The following ZNF567 variants were observed in gnomAD, a reference collection of about 807,000 sequenced individuals.
The protein encoded by ZNF567 is zinc finger protein 567.
ZNF567 carries 36 observed loss-of-function variants against 53.9 expected under a neutral mutation model. The observed-to-expected ratio is 0.67, with a 90% CI of 0.51 to 0.88. The LOEUF (loss-of-function observed/expected upper bound fraction) is 0.88, where lower values mean the gene tolerates loss of function less well. ZNF567 is among the 40% of genes least tolerant of loss of function. The probability of loss-of-function intolerance (pLI) is 0.00; values close to 1 mark genes in which losing one functional copy is unlikely to be tolerated. For missense variants in ZNF567, 619 were observed against 764.7 expected (o/e 0.81, Z 2.25); for synonymous variants, 224 against 260.4 (o/e 0.86, Z 1.35).
chr19:36,699,815 A>G (rs887912903), intron 3 of ZNF567, among the ~76,000 whole-genome samples: 2 of 149,834 alleles, frequency 1.3e-5, no homozygotes, highest in Non-Finnish European at 3.0e-5. Flanking sequence ...GCTTAAGGAG[A>G]TTTTGGGCTG....
At chr19:36,678,356 A>G in the ZNF567 span, among the ~76,000 whole-genome samples, 18 of 152,212 alleles carry the variant, frequency 1.2e-4, no homozygotes, top group Admixed American at 3.9e-4. Context: ...TTAGCCTTAT[A>G]GAGTTTCTAA....
intron 5 of ZNF567, among the ~76,000 whole-genome samples, chr19:36,716,559 C>G (rs2040074810): frequency 6.6e-6 from 1 of 152,130 alleles, no homozygotes; most frequent in South Asian, 2.1e-4. Flanking sequence ...TTGAAGGAAT[C>G]AAGCATTCTT....
chr19:36,707,614 G>C (rs983516512), intron 3 of ZNF567, among the ~76,000 whole-genome samples: 1 of 151,922 alleles, frequency 6.6e-6, no homozygotes, highest in Non-Finnish European at 1.5e-5. Flanking sequence ...TTTTACTCTT[G>C]TCGCTCAGGC....
At chr19:36,672,409 C>T in the ZNF567 span, among the ~76,000 whole-genome samples, 52 of 152,292 alleles carry the variant, frequency 3.4e-4, no homozygotes, top group Non-Finnish European at 6.2e-4. Flanking sequence ...GTAACCTTAG[C>T]AGAGGATGTT....
At chr19:36,717,850 G>A (rs1201094022) in intron 5 of ZNF567, among the ~76,000 whole-genome samples, 4 of 152,124 alleles carry the variant, frequency 2.6e-5, no homozygotes, top group African/African-American at 9.7e-5. Context: ...TTACTGCATT[G>A]GGGAAGGATG....
chr19:36,708,644 T>C (rs752719595), intron 3 of ZNF567, among the ~76,000 whole-genome samples: 4 of 152,206 alleles, frequency 2.6e-5, no homozygotes, highest in Non-Finnish European at 5.9e-5. Flanking sequence ...CCCTCCCTGC[T>C]ACCCCCTGGA....
chr19:36,719,944 A>G lies in ZNF567; in HGVS notation c.1220A>G (p.Asn407Ser). 6.2e-7 allele frequency: 1 copy of G among 1,613,712 alleles called. No homozygotes were observed. The highest frequency in any genetic ancestry group is 8.5e-7 in the Non-Finnish European group (1 of 1,179,898). ...ECGKSFHQKA[N>S]LTVHQRTHTG... is the part of the protein sequence containing the mutation. ...GGGAAGTCCTTTCACCAGAAGGCAA[A>G]TCTTACTGTACATCAGAGAACTCAT... Residue 407 changes from asparagine to serine, a missense_variant, in exon 6 of 6, where the codon AAT (asparagine) becomes AGT (serine). Transcript: ENST00000682579.
rs377581229 is a variant in ZNF567, at chr19:36,712,392, G to C, written c.16G>C (p.Val6Leu). The change falls in exon 4 of 6, where the codon GTG becomes CTG. Residue 6 changes from valine to leucine, a missense_variant. Physicochemically the swap from Val to Leu is conservative, Grantham distance 32. Coordinates refer to ENST00000682579, the MANE Select transcript of ZNF567 (RefSeq NM_001322917.1). ...ACAGTTCCATCCATTCTAGGGATCA[G>C]TGTCTTTCAATGATGTGACTGTGGA... MAQGSVSFNDVTVDFT... is the reference protein window; with the variant it reads MAQGSLSFNDVTVDFT... 111 of 1,613,706 alleles carry C rather than the reference G, an allele frequency of 6.9e-5. No individual in the cohort carries two copies. In the African/African-American group the frequency reaches 9.3e-4, roughly 14 times the overall value.
At chr19:36,704,726 G>A (rs2039403176) in intron 3 of ZNF567, among the ~76,000 whole-genome samples, 1 of 151,916 alleles carries the variant, frequency 6.6e-6, no homozygotes, top group Admixed American at 6.6e-5. Context: ...AAATGAATTG[G>A]GTTGTATTCT....
At chr19:36,697,158 A>G (rs1416336689) in intron 3 of ZNF567, among the ~76,000 whole-genome samples, 2 of 152,158 alleles carry the variant, frequency 1.3e-5, no homozygotes. Flanking sequence ...TTTTATTTAG[A>G]TCTTCCTTAA....
At chr19:36,668,157 C>T in the ZNF567 span, 1 of 152,440 alleles carries the variant, frequency 6.6e-6, no homozygotes, top group African/African-American at 2.4e-5. Flanking sequence ...GTTGCCCAGG[C>T]TGGTGGTCTC....
chr19:36,697,767 A>C (rs945005302), intron 3 of ZNF567, among the ~76,000 whole-genome samples: 3 of 151,978 alleles, frequency 2.0e-5, no homozygotes, highest in Non-Finnish European at 4.4e-5. Flanking sequence ...ATGCACCACC[A>C]TGCTGGCCTA....
upstream of ZNF567, among the ~76,000 whole-genome samples, chr19:36,682,713 T>G (rs1215092625): frequency 2.0e-5 from 3 of 151,396 alleles, no homozygotes; most frequent in Non-Finnish European, 4.4e-5. Context: ...GTTCACGCCA[T>G]TCTCCTCCCT....
At chr19:36,684,447 A>G (rs763587942), upstream of ZNF567, among the ~76,000 whole-genome samples, 5 of 152,186 alleles carry the variant, frequency 3.3e-5, no homozygotes, top group East Asian at 1.9e-4. Flanking sequence ...ATGGAATGCA[A>G]TGTTGAAATG....
the ZNF567 span, among the ~76,000 whole-genome samples, chr19:36,678,993 G>T: frequency 5.3e-5 from 8 of 150,162 alleles, no homozygotes; most frequent in Non-Finnish European, 7.4e-5. Flanking sequence ...GCAAATTAAA[G>T]CCACGATGAG....
intron 3 of ZNF567, among the ~76,000 whole-genome samples, chr19:36,702,579 G>T (rs987151408): frequency 1.3e-4 from 20 of 151,998 alleles, no homozygotes; most frequent in African/African-American, 4.6e-4. Context: ...ACGTAGATTT[G>T]GTCTTTTCAA....
At chr19:36,693,495 G>A (rs180738721) in intron 2 of ZNF567, among the ~76,000 whole-genome samples, 77 of 152,130 alleles carry the variant, frequency 5.1e-4, no homozygotes, top group African/African-American at 1.8e-3. Flanking sequence ...TAAAAGGACA[G>A]GAAGACACAA....
chr19:36,717,611 A>T (rs2040122096), intron 5 of ZNF567, among the ~76,000 whole-genome samples: 1 of 152,224 alleles, frequency 6.6e-6, no homozygotes, highest in African/African-American at 2.4e-5. Flanking sequence ...TTCCTTGTAT[A>T]TGTTAGAATT....
At position 36,719,001 on chromosome 19, in the gene ZNF567, A is replaced by G; in HGVS notation, c.277A>G (p.Lys93Glu). Residue 93 changes from lysine (K) to glutamate (E), a missense_variant, in exon 6 of 6, where the codon AAG (lysine) becomes GAG (glutamate). Physicochemically the swap from Lys to Glu is moderately conservative, Grantham distance 56. Coordinates refer to ENST00000682579, the MANE Select transcript of ZNF567 (RefSeq NM_001322917.1). ...AGTGAAATTCAAGGAACACCAAGAG[A>G]AGTATTCTAGATCAGTTGTAAGCAT... ...FLVKFKEHQE[K>E]YSRSVVSINH... The G allele has an allele frequency of 6.3e-7, 1 of 1,588,932 alleles. No homozygotes were observed. The highest frequency in any genetic ancestry group is 8.5e-7 in the Non-Finnish European group (1 of 1,173,450).
Sources: allele counts gnomAD v4.1 joint callset (sites outside exome capture counted in the v4.1 genomes callset), GRCh38; gene constraint gnomAD v4.1.1; transcripts MANE v1.5; gene names NCBI Gene and HGNC (gene_info 2026-07-23, HGNC 2026-07-21).